Variants in FKTN observed in about 807,000 individuals in gnomAD.
FKTN encodes fukutin.
In FKTN, 47 loss-of-function variants were observed where a neutral mutation model predicts 58.6. The observed-to-expected ratio is 0.80, with a 90% CI of 0.63 to 1.02. FKTN has a LOEUF of 1.02. Ranked by LOEUF, FKTN falls within the 50% of genes least tolerant of loss-of-function variation. The pLI, the probability that FKTN is intolerant of heterozygous loss-of-function variation, is 0.00. For synonymous variants in FKTN, 178 were observed against 191.9 expected (o/e 0.93, Z 0.60); for missense variants, 516 against 537.3 (o/e 0.96, Z 0.39).
intron 4 of FKTN, among the ~76,000 whole-genome samples, chr9:105,600,739 A>G (rs1016966554): frequency 6.6e-5 from 10 of 152,198 alleles, no homozygotes; most frequent in African/African-American, 9.6e-5. Context: ...GCTGACGGAT[A>G]GTTCTCTCAA....
chr9:105,624,962 C>T (rs1189857964), intron 10 of FKTN, among the ~76,000 whole-genome samples: 6 of 152,136 alleles, frequency 3.9e-5, no homozygotes, highest in African/African-American at 1.2e-4. Context: ...AATAACACTG[C>T]GTACTTCACA....
At chr9:105,624,378 A>C (rs1277275504) in intron 10 of FKTN, 2 of 152,188 alleles carry the variant, frequency 1.3e-5, no homozygotes, top group Non-Finnish European at 2.9e-5. Context: ...CTTTAATCCC[A>C]GCACTTCGGG....
chr9:105,614,662 G>A (rs922643600), intron 7 of FKTN, among the ~76,000 whole-genome samples: 2 of 152,032 alleles, frequency 1.3e-5, no homozygotes, highest in African/African-American at 4.8e-5. Flanking sequence ...ATTTTATCCT[G>A]ATTGTCCAGC....
chr9:105,632,427 A>AAAT (rs1554766277), intron 10 of FKTN, among the ~76,000 whole-genome samples: 5 of 148,068 alleles, frequency 3.4e-5, no homozygotes, highest in Admixed American at 1.3e-4. Context: ...AATAAAAAAA[A>AAAT]ATATATATAT....
intron 1 of FKTN, among the ~76,000 whole-genome samples, chr9:105,570,734 CTG>C (rs2131918284): frequency 6.6e-6 from 1 of 152,170 alleles, no homozygotes; most frequent in South Asian, 2.1e-4. Context: ...TAGACAGTAA[CTG>C]TTTATTTGTT....
chr9:105,635,751 G>A lies in FKTN; in HGVS notation c.*487G>A, dbSNP rs981914697. 1 of 1,011,670 alleles carries A rather than the reference G, an allele frequency of 9.9e-7. No individual in the cohort carries two copies. The highest frequency in any genetic ancestry group is 1.7e-5 in the African/African-American group (1 of 57,670). 62.7% of individuals were successfully genotyped at this position (1,011,670 alleles called of 1,614,324 possible). A position where few individuals can be genotyped will look rare whatever the true frequency, so the allele number is the denominator to read the frequency against. ...TTGTGGAGTCTGAGTTAATATTCAA[G>A]TGATCAGACTTTGAGTGACATCAAG... On this transcript the variant is annotated 3_prime_UTR_variant, in exon 11 of 11. Coordinates refer to ENST00000357998, the MANE Select transcript of FKTN (RefSeq NM_001079802.2).
chr9:105,574,905 G>A (rs1841392100), intron 2 of FKTN, 40 bp from the exon 3 acceptor site: 2 of 681,586 alleles, frequency 2.9e-6, no homozygotes. Flanking sequence ...CAAAATTAAA[G>A]AGGTTTTTGT....
rs1831158704 is a variant in FKTN at position 105,618,073 on chromosome 9, T to C, written c.1025T>C (p.Leu342Pro). ...ILAFQDAGLP[L>P]KHKFGKVEDS... Reference sequence around the variant, plus strand: ...GCATTTCAGGATGCAGGACTTCCGCTCAAACACAAATTTGGGAAGGTCAGT... The same window carrying C: ...GCATTTCAGGATGCAGGACTTCCGCCCAAACACAAATTTGGGAAGGTCAGT... Residue 342 changes from leucine to proline, a missense_variant, in exon 9 of 11, where the codon CTC (leucine) becomes CCC (proline). Physicochemically the swap from Leu to Pro is moderately conservative, Grantham distance 98. Transcript: ENST00000357998. 1 of 1,612,622 alleles carries C rather than the reference T, an allele frequency of 6.2e-7. No individual in the cohort carries two copies. Among genetic ancestry groups the C allele is most frequent in the Non-Finnish European group, 8.5e-7 (1 of 1,178,624 alleles).
intron 3 of FKTN, among the ~76,000 whole-genome samples, chr9:105,594,247 T>C (rs969648641): frequency 1.3e-5 from 2 of 152,036 alleles, no homozygotes; most frequent in African/African-American, 2.4e-5. Flanking sequence ...GTACAGTAGG[T>C]GGGAAGATGT....
chr9:105,594,139 G>A (rs1049548698), intron 3 of FKTN, among the ~76,000 whole-genome samples: 1 of 152,194 alleles, frequency 6.6e-6, no homozygotes, highest in African/African-American at 2.4e-5. Context: ...GGGGGGATGG[G>A]ATTTAGTGCA....
intron 3 of FKTN, among the ~76,000 whole-genome samples, chr9:105,582,415 T>G (rs1261933084): frequency 3.3e-5 from 5 of 152,172 alleles, no homozygotes; most frequent in African/African-American, 7.2e-5. Context: ...AGGCTGGTCT[T>G]GAACTCCTGG....
chr9:105,602,377 G>A lies in FKTN; in HGVS notation c.369+1029G>A, dbSNP rs553606525. On this transcript the variant is annotated intron_variant, in intron 5 of 10. Transcript: ENST00000357998. The stretch of plus-strand genomic sequence containing the variant: ...CCCAAATTTCTGAAGTATCTGTTGG[G>A]TACAGTCCCACTTGCCTTGAGAACC... Among the ~76,000 whole-genome samples the A allele has an allele frequency of 1.3e-4, 20 of 152,286 alleles. No homozygotes were observed. The South Asian group carries it at 3.9e-3, about 30-fold the overall frequency.
chr9:105,616,748 G>A (rs1239013088), intron 8 of FKTN, among the ~76,000 whole-genome samples: 1 of 152,076 alleles, frequency 6.6e-6, no homozygotes, highest in African/African-American at 2.4e-5. Flanking sequence ...ACTTGAGAGT[G>A]AAAGGAAGCA....
intron 3 of FKTN, among the ~76,000 whole-genome samples, chr9:105,589,107 C>G (rs972550213): frequency 6.6e-6 from 1 of 152,148 alleles, no homozygotes; most frequent in African/African-American, 2.4e-5. Context: ...CTTCAGGGCC[C>G]CTCACTTGCA....
Position 105,637,625 on chromosome 9 carries a change from C to T in FKTN, c.*2361C>T. ...TCATTGGATCACTTTTCTTTCATCA[C>T]TTGAGTATTCTAGCAGTCATTCTCC... is the stretch of plus-strand genomic sequence containing the variant. On this transcript the variant is annotated 3_prime_UTR_variant, in exon 11 of 11. Transcript: ENST00000357998. The T allele has an allele frequency of 1.0e-6, 1 of 985,388 alleles. No individual in the cohort carries two copies. Among genetic ancestry groups the T allele is most frequent in the Non-Finnish European group, 1.2e-6 (1 of 829,912 alleles). 61.0% of individuals were successfully genotyped at this position (985,388 alleles called of 1,614,324 possible). A position where few individuals can be genotyped will look rare whatever the true frequency, so the allele number is the denominator to read the frequency against.
chr9:105,568,135 AT>A (rs1214169234), intron 1 of FKTN, among the ~76,000 whole-genome samples: 1 of 152,170 alleles, frequency 6.6e-6, no homozygotes, highest in East Asian at 1.9e-4. Context: ...TTATACAAAA[AT>A]TAATTCAAGA....
intron 10 of FKTN, among the ~76,000 whole-genome samples, chr9:105,629,185 GA>G (rs1833101558): frequency 6.6e-6 from 1 of 152,122 alleles, no homozygotes; most frequent in South Asian, 2.1e-4. Context: ...AACATAGGGA[GA>G]CCCCATGTCT....
At chr9:105,624,929 C>T (rs1052172947) in intron 10 of FKTN, among the ~76,000 whole-genome samples, 3 of 152,134 alleles carry the variant, frequency 2.0e-5, no homozygotes, top group African/African-American at 7.2e-5. Flanking sequence ...TTCTGAGCTT[C>T]AGATTTCTCC....
chr9:105,569,603 A>G (rs1037939802), intron 1 of FKTN, among the ~76,000 whole-genome samples: 4 of 152,214 alleles, frequency 2.6e-5, no homozygotes, highest in African/African-American at 9.6e-5. Context: ...TTAGTTGGTA[A>G]GCAGATCTGC....
Sources: gnomAD v4.1 joint callset for allele counts (sites outside exome capture counted in the v4.1 genomes callset) on GRCh38, gnomAD v4.1.1 for gene constraint, MANE v1.5 for transcripts, NCBI Gene and HGNC (gene_info 2026-07-23, HGNC 2026-07-21) for gene names.